Variants in ADGRL2 observed in about 807,000 individuals in gnomAD.
The protein encoded by ADGRL2 is adhesion G protein-coupled receptor L2, also known as calcium-independent alpha-latrotoxin receptor 2.
In ADGRL2, 44 loss-of-function variants were observed where a neutral mutation model predicts 157.4. The ratio of observed to expected loss-of-function variants is 0.28; its 90% confidence interval spans 0.22 to 0.36. The LOEUF is 0.36. Among genes scored for constraint, ADGRL2 ranks in the 10% least tolerant of loss-of-function variants. The pLI, the probability that ADGRL2 is intolerant of heterozygous loss-of-function variation, is 1.00. For missense variants in ADGRL2, 1,510 were observed against 1,768.9 expected (o/e 0.85, Z 2.63); for synonymous variants, 585 against 624.7 (o/e 0.94, Z 0.95).
intron 2 of ADGRL2, among the ~76,000 whole-genome samples, chr1:81,884,705 A>G (rs2094082993): frequency 6.6e-6 from 1 of 152,226 alleles, no homozygotes; most frequent in Non-Finnish European, 1.5e-5. Context: ...GAGGAACCTG[A>G]TACGAATGTG....
At chr1:81,748,253 C>G (rs923414495) in intron 1 of ADGRL2, among the ~76,000 whole-genome samples, 1 of 151,740 alleles carries the variant, frequency 6.6e-6, no homozygotes, top group Non-Finnish European at 1.5e-5. Flanking sequence ...CCAAGATGGA[C>G]AGATCACGAG....
At chr1:81,664,998 T>A (rs2082726296) in intron 3 of ADGRL2, among the ~76,000 whole-genome samples, 1 of 152,070 alleles carries the variant, frequency 6.6e-6, no homozygotes. Context: ...CCTCCCCAAG[T>A]GGATCTCATA....
chr1:81,508,547 C>A (rs2079020277), intron 2 of ADGRL2, among the ~76,000 whole-genome samples: 1 of 152,122 alleles, frequency 6.6e-6, no homozygotes, highest in Non-Finnish European at 1.5e-5. Flanking sequence ...CCCTTGCATG[C>A]CCTATTGTCC....
chr1:81,918,719 T>A (rs1337035886), intron 3 of ADGRL2, among the ~76,000 whole-genome samples: 2 of 152,126 alleles, frequency 1.3e-5, no homozygotes, highest in African/African-American at 4.8e-5. Context: ...AAAAGCAACA[T>A]TATAGAAAGT....
chr1:81,880,350 A>T (rs709713), intron 2 of ADGRL2, among the ~76,000 whole-genome samples: 19,028 of 152,222 alleles, frequency 0.13, 1,292 homozygotes, highest in Admixed American at 0.21. Context: ...TGAAAAATTA[A>T]GTCAGCCTTA....
Position 81,993,083 on chromosome 1 carries a change from A to ATATATATATATATG in ADGRL2, c.*1943_*1944insATATATATGTATAT, listed in dbSNP as rs1664877456. Among the ~76,000 whole-genome samples, 1 of 31,086 alleles carries ATATATATATATATG rather than the reference A, an allele frequency of 3.2e-5. No homozygotes were observed. The highest frequency in any genetic ancestry group is 5.2e-5 in the Non-Finnish European group (1 of 19,238). The allele number at this position is 31,086 out of a possible 152,430, so 20.4% of individuals were successfully genotyped here. On this transcript the variant is annotated 3_prime_UTR_variant, in exon 24 of 24. Coordinates refer to ENST00000686636, the MANE Select transcript of ADGRL2 (RefSeq NM_001366006.2). Reference sequence around the variant, plus strand: ...CATATATATATATATATATATATATATATATTTTTTTTTTTTTTTTTTTTT... The same window carrying ATATATATATATATG: ...CATATATATATATATATATATATATATATATATATATATGTATATTTTTTTTTTTTTTTTTTTTT...
At chr1:81,709,682 A>G (rs2083858897) in intron 1 of ADGRL2, among the ~76,000 whole-genome samples, 1 of 152,020 alleles carries the variant, frequency 6.6e-6, no homozygotes, top group Non-Finnish European at 1.5e-5. Context: ...CTCAGTTCCC[A>G]GTTTTTCTGC....
chr1:81,751,677 A>C (rs1280814068), intron 1 of ADGRL2, among the ~76,000 whole-genome samples: 2 of 152,232 alleles, frequency 1.3e-5, no homozygotes, highest in East Asian at 3.8e-4. Context: ...TCTGAGGATT[A>C]TAGTGATGTA....
intron 1 of ADGRL2, among the ~76,000 whole-genome samples, chr1:81,703,251 G>T (rs1234555482): frequency 2.0e-5 from 3 of 152,198 alleles, no homozygotes; most frequent in African/African-American, 4.8e-5. Flanking sequence ...AAAGTGAAGC[G>T]GGAGAAGTAA....
intron 1 of ADGRL2, among the ~76,000 whole-genome samples, chr1:81,756,700 C>G (rs1254176424): frequency 1.3e-5 from 2 of 152,084 alleles, no homozygotes; most frequent in Non-Finnish European, 2.9e-5. Flanking sequence ...ATTTTCCCTC[C>G]TATAGGTAAT....
intron 2 of ADGRL2, among the ~76,000 whole-genome samples, chr1:81,885,266 G>A (rs2094100937): frequency 2.0e-5 from 3 of 152,008 alleles, no homozygotes; most frequent in African/African-American, 7.3e-5. Context: ...GTAAATATTT[G>A]TGTTTATTTT....
chr1:81,758,945 C>A (rs1029963782), intron 1 of ADGRL2, among the ~76,000 whole-genome samples: 14 of 152,060 alleles, frequency 9.2e-5, no homozygotes, highest in African/African-American at 3.1e-4. Flanking sequence ...TTTAATTAAA[C>A]TTCTCTTATT....
chr1:81,424,865 A>G (rs904118015), intron 1 of ADGRL2, among the ~76,000 whole-genome samples: 4 of 152,260 alleles, frequency 2.6e-5, no homozygotes, highest in African/African-American at 9.6e-5. Flanking sequence ...CTTGTCAGAC[A>G]TTGAAAGCCT....
intron 3 of ADGRL2, among the ~76,000 whole-genome samples, chr1:81,586,722 C>CA (rs1464988430): frequency 1.3e-5 from 2 of 151,952 alleles, no homozygotes; most frequent in Non-Finnish European, 2.9e-5. Flanking sequence ...AGAGTGAGTA[C>CA]AGCACAGAGA....
At chr1:81,722,460 C>T in intron 1 of ADGRL2, 5 of 1,434,716 alleles carry the variant, frequency 3.5e-6, no homozygotes, top group Non-Finnish European at 4.8e-6. Context: ...GCCAAGAGGG[C>T]CAGCGTTTTC....
At chr1:81,412,591 A>T (rs1408342996) in intron 1 of ADGRL2, among the ~76,000 whole-genome samples, 1 of 152,220 alleles carries the variant, frequency 6.6e-6, no homozygotes, top group Non-Finnish European at 1.5e-5. Context: ...CTGGGGGAAG[A>T]GACTCCATCT....
intron 2 of ADGRL2, among the ~76,000 whole-genome samples, chr1:81,521,625 T>A (rs1338181892): frequency 6.6e-6 from 1 of 152,218 alleles, no homozygotes; most frequent in Non-Finnish European, 1.5e-5. Context: ...GTGGATTTTA[T>A]GTAGAAGAAA....
chr1:81,408,628 C>A (rs1279072541), intron 1 of ADGRL2, among the ~76,000 whole-genome samples: 1 of 152,184 alleles, frequency 6.6e-6, no homozygotes, highest in Non-Finnish European at 1.5e-5. Flanking sequence ...TGCTGAAAGA[C>A]CCTTGTTCAC....
At chr1:81,968,926 A>G (rs1194897847) in intron 14 of ADGRL2, among the ~76,000 whole-genome samples, 3 of 152,242 alleles carry the variant, frequency 2.0e-5, no homozygotes, top group African/African-American at 4.8e-5. Context: ...TGAAATCATT[A>G]GGCTCCTTTA....
Sources: allele counts gnomAD v4.1 joint callset (sites outside exome capture counted in the v4.1 genomes callset), GRCh38; gene constraint gnomAD v4.1.1; transcripts MANE v1.5; gene names NCBI Gene and HGNC (gene_info 2026-07-23, HGNC 2026-07-21).